Variants in DTNA observed in about 807,000 individuals in gnomAD.
DTNA encodes dystrophin-related protein 3.
In DTNA, 43 loss-of-function variants were observed where a neutral mutation model predicts 100.7. The observed-to-expected ratio is 0.43, with a 90% CI of 0.33 to 0.55. DTNA has a LOEUF of 0.55. DTNA is among the 20% of genes least tolerant of loss of function. DTNA has a pLI of 0.04. For missense variants in DTNA, 798 were observed against 953.9 expected (o/e 0.84, Z 2.15); for synonymous variants, 349 against 347.9 (o/e 1.00, Z -0.04).
chr18:34,559,853 C>T lies in DTNA; in HGVS notation c.-2+66339C>T, dbSNP rs1382195678. On this transcript the variant is annotated intron_variant, in intron 1 of 19. Transcript: ENST00000283365. ...ATTAATGTTGCATCTCCTCTGTCAT[C>T]CTATACATTGTACCACAAAATATGT... Among the ~76,000 whole-genome samples, 6 of 152,152 alleles carry T rather than the reference C, an allele frequency of 3.9e-5. No homozygotes were observed. In the East Asian group the frequency reaches 1.2e-3, roughly 29 times the overall value.
chr18:34,705,932 GC>G (rs2082054337), upstream of DTNA, among the ~76,000 whole-genome samples: 1 of 152,058 alleles, frequency 6.6e-6, no homozygotes, highest in Non-Finnish European at 1.5e-5. Context: ...CAGTGAAAAG[GC>G]AATATTCAAA....
At chr18:34,512,938 G>A (rs1479649870) in intron 1 of DTNA, among the ~76,000 whole-genome samples, 1 of 151,980 alleles carries the variant, frequency 6.6e-6, no homozygotes, top group Non-Finnish European at 1.5e-5. Flanking sequence ...GAAGAATACT[G>A]GTTTCACATA....
At chr18:34,603,942 C>G (rs1299144370) in intron 1 of DTNA, among the ~76,000 whole-genome samples, 3 of 152,258 alleles carry the variant, frequency 2.0e-5, no homozygotes, top group Non-Finnish European at 2.9e-5. Flanking sequence ...AAAAAAAGCT[C>G]TACGCTCTAC....
chr18:34,585,686 C>T (rs1436303925), intron 1 of DTNA, among the ~76,000 whole-genome samples: 1 of 151,918 alleles, frequency 6.6e-6, no homozygotes, highest in African/African-American at 2.4e-5. Flanking sequence ...CCTTATCTCC[C>T]ATAGTAGGAG....
chr18:34,858,777 A>AT (rs1300729661), intron 16 of DTNA, among the ~76,000 whole-genome samples: 1 of 151,642 alleles, frequency 6.6e-6, no homozygotes, highest in Non-Finnish European at 1.5e-5. Flanking sequence ...CACCTGGCTA[A>AT]TTTTTTTGTA....
intron 3 of DTNA, among the ~76,000 whole-genome samples, chr18:34,781,845 G>T: frequency 6.6e-6 from 1 of 152,088 alleles, no homozygotes; most frequent in East Asian, 1.9e-4. Context: ...CAATGGCCAG[G>T]TATACTTCAT....
intron 3 of DTNA, among the ~76,000 whole-genome samples, chr18:34,770,286 A>G (rs1479051186): frequency 6.6e-6 from 1 of 152,250 alleles, no homozygotes; most frequent in Non-Finnish European, 1.5e-5. Flanking sequence ...TATACTAACA[A>G]AACTAAGTTT....
chr18:34,502,607 C>A (rs982760484), intron 1 of DTNA, among the ~76,000 whole-genome samples: 1 of 152,114 alleles, frequency 6.6e-6, no homozygotes, highest in African/African-American at 2.4e-5. Context: ...GAGATTTCCT[C>A]TTTGACCCAT....
At chr18:34,693,681 G>A (rs557708376) in intron 1 of DTNA, among the ~76,000 whole-genome samples, 3 of 151,682 alleles carry the variant, frequency 2.0e-5, no homozygotes, top group Non-Finnish European at 4.4e-5. Context: ...CTACGAGCTG[G>A]TCATATGTGT....
At chr18:34,522,324 A>G (rs752090640) in intron 1 of DTNA, among the ~76,000 whole-genome samples, 3 of 152,172 alleles carry the variant, frequency 2.0e-5, no homozygotes, top group East Asian at 1.9e-4. Flanking sequence ...AGGGCATGCT[A>G]TATTGGGTCA....
At chr18:34,556,327 T>A (rs1038073462) in intron 1 of DTNA, among the ~76,000 whole-genome samples, 1 of 152,216 alleles carries the variant, frequency 6.6e-6, no homozygotes, top group African/African-American at 2.4e-5. Flanking sequence ...TTTCTCCAAT[T>A]TGCCAGTCTG....
intron 3 of DTNA, among the ~76,000 whole-genome samples, chr18:34,782,291 C>T (rs1414569589): frequency 1.3e-5 from 2 of 152,106 alleles, no homozygotes; most frequent in East Asian, 3.8e-4. Context: ...TTAAGTTTAC[C>T]CCCACGTATC....
chr18:34,755,689 A>T lies in DTNA; in HGVS notation c.-1-287A>T, dbSNP rs75850110. 0.026 allele frequency: 9,707 copies of T among 374,824 alleles called. 253 individuals are homozygous for T. The highest frequency in any genetic ancestry group is 0.032 in the Non-Finnish European group (6,417 of 199,868). 23.2% of individuals were successfully genotyped at this position (374,824 alleles called of 1,614,324 possible). ...AAACGAGTCACCTAACAGATGGTAG[A>T]TTGTTGTATTTAGTTATAGCACAAG... On this transcript the variant is annotated intron_variant, in intron 1 of 22. Coordinates refer to ENST00000444659, the MANE Select transcript of DTNA (RefSeq NM_001386795.1).
At chr18:34,869,703 A>C (rs2096744348) in intron 17 of DTNA, among the ~76,000 whole-genome samples, 1 of 146,956 alleles carries the variant, frequency 6.8e-6, no homozygotes, top group African/African-American at 2.6e-5. Context: ...AGAGGTGATT[A>C]GTACAGGGTG....
At chr18:34,615,845 G>T (rs2055166497) in intron 1 of DTNA, among the ~76,000 whole-genome samples, 1 of 152,060 alleles carries the variant, frequency 6.6e-6, no homozygotes, top group Non-Finnish European at 1.5e-5. Flanking sequence ...GAAATGTTTG[G>T]TTCTCTTCTT....
At chr18:34,563,550 A>G (rs999078946) in intron 1 of DTNA, among the ~76,000 whole-genome samples, 4 of 152,202 alleles carry the variant, frequency 2.6e-5, no homozygotes, top group Non-Finnish European at 5.9e-5. Flanking sequence ...CTCTTAGTCT[A>G]TAAAGACCTT....
In DTNA at chr18:34,794,062, C is replaced by T. The variant is rs145335092; in HGVS notation, c.174C>T (p.Val58=). The T allele has an allele frequency of 1.9e-6, 3 of 1,613,922 alleles. No individual in the cohort carries two copies. Among genetic ancestry groups the T allele is most frequent in the African/African-American group, 2.7e-5 (2 of 74,910 alleles). The change falls in exon 4 of 23, where the codon GTC becomes GTT. Residue 58 remains valine, a synonymous_variant. Coordinates refer to ENST00000444659, the MANE Select transcript of DTNA (RefSeq NM_001386795.1). The part of the protein sequence containing the change: ...CNLHLVDIWN[V]IEALRENALN... ...TGCACCTGGTGGACATATGGAATGT[C>T]ATAGAAGCATTGCGGGAAAATGCTC...
chr18:34,597,854 C>T lies in DTNA; in HGVS notation c.-2+104340C>T, dbSNP rs73946107. On this transcript the variant is annotated intron_variant, in intron 1 of 19. Coordinates refer to the DTNA transcript ENST00000283365. ...CTTTAGGGTTGACCTCATAAGTCAC[C>T]TTCACTGTACTTTCTGTACTTTCTT... Among the ~76,000 whole-genome samples the T allele has an allele frequency of 9.1e-3, 1,385 of 151,438 alleles. 21 individuals are homozygous for T. The highest frequency in any genetic ancestry group is 0.032 in the African/African-American group (1,306 of 41,202).
intron 13 of DTNA, among the ~76,000 whole-genome samples, chr18:34,843,543 G>C (rs1051933996): frequency 6.6e-6 from 1 of 152,052 alleles, no homozygotes; most frequent in Admixed American, 6.6e-5. Context: ...CTTGCAGATG[G>C]ACACCTTCCT....
Sources: gnomAD v4.1 joint callset for allele counts (sites outside exome capture counted in the v4.1 genomes callset) on GRCh38, gnomAD v4.1.1 for gene constraint, MANE v1.5 for transcripts, NCBI Gene and HGNC (gene_info 2026-07-23, HGNC 2026-07-21) for gene names.